MCTP1: variants seen among roughly 807,000 people sequenced by gnomAD.
MCTP1 encodes multiple C2 and transmembrane domain-containing protein 1.
MCTP1 carries 69 observed loss-of-function variants against 120.6 expected under a neutral mutation model. The ratio of observed to expected loss-of-function variants is 0.57; its 90% confidence interval spans 0.47 to 0.70. MCTP1 has a LOEUF of 0.70. Among genes scored for constraint, MCTP1 ranks in the 30% least tolerant of loss-of-function variants. The pLI is 0.00. For synonymous variants in MCTP1, 529 were observed against 493.1 expected (o/e 1.07, Z -0.96); for missense variants, 1,203 against 1,248.8 (o/e 0.96, Z 0.55).
chr5:95,082,299 A>G (rs1218934664), intron 1 of MCTP1, among the ~76,000 whole-genome samples: 2 of 152,204 alleles, frequency 1.3e-5, no homozygotes, highest in South Asian at 2.1e-4. Flanking sequence ...CAACTCCTCT[A>G]GTAAATGTGG....
rs529635290 is a variant in MCTP1 at position 95,215,318 on chromosome 5, T to A, written c.720+68538A>T. Among the ~76,000 whole-genome samples, 4 of 152,344 alleles carry A rather than the reference T, an allele frequency of 2.6e-5. No individual in the cohort carries two copies. In the South Asian group the frequency reaches 8.3e-4, roughly 32 times the overall value. The stretch of plus-strand genomic sequence containing the variant: ...ATAAATGGAAATACAGAAATATGAA[T>A]AGATTTGAAAATTATTTAAGAGGTA... On this transcript the variant is annotated intron_variant, in intron 1 of 22. Transcript: ENST00000515393.
intron 1 of MCTP1, among the ~76,000 whole-genome samples, chr5:95,046,960 T>C (rs1476176130): frequency 6.6e-6 from 1 of 152,190 alleles, no homozygotes; most frequent in Non-Finnish European, 1.5e-5. Flanking sequence ...TCAAACAGCA[T>C]TCCTATTGGA....
At chr5:94,995,568 GA>G (rs1409910486) in intron 2 of MCTP1, among the ~76,000 whole-genome samples, 1 of 152,140 alleles carries the variant, frequency 6.6e-6, no homozygotes, top group East Asian at 1.9e-4. Context: ...ATTCTAAAAA[GA>G]CAGAACAAAC....
intron 1 of MCTP1, among the ~76,000 whole-genome samples, chr5:95,204,709 C>A (rs1266451837): frequency 1.3e-5 from 2 of 151,990 alleles, no homozygotes; most frequent in Non-Finnish European, 2.9e-5. Flanking sequence ...AAATTAATTT[C>A]TATTTGTAAC....
chr5:95,040,492 T>C (rs1478482411), intron 1 of MCTP1, among the ~76,000 whole-genome samples: 1 of 151,250 alleles, frequency 6.6e-6, no homozygotes, highest in Non-Finnish European at 1.5e-5. Context: ...TTGGGCTAAG[T>C]GCTCCCTGAG....
At chr5:95,187,876 G>C (rs989133923) in intron 1 of MCTP1, among the ~76,000 whole-genome samples, 1 of 152,004 alleles carries the variant, frequency 6.6e-6, no homozygotes, top group African/African-American at 2.4e-5. Context: ...GAGTATAATT[G>C]GATTGCTTCT....
chr5:94,812,098 A>G (rs547787058), intron 17 of MCTP1, among the ~76,000 whole-genome samples: 1 of 152,302 alleles, frequency 6.6e-6, no homozygotes, highest in African/African-American at 2.4e-5. Context: ...AGTTTTTAAA[A>G]TCAATGATTT....
intron 1 of MCTP1, among the ~76,000 whole-genome samples, chr5:95,197,860 G>A (rs556708570): frequency 6.6e-6 from 1 of 152,216 alleles, no homozygotes; most frequent in East Asian, 1.9e-4. Context: ...ACAAAACAGT[G>A]TAGTATTTAC....
chr5:95,270,263 A>G (rs1562292158), intron 1 of MCTP1, among the ~76,000 whole-genome samples: 1 of 152,184 alleles, frequency 6.6e-6, no homozygotes, highest in Non-Finnish European at 1.5e-5. Context: ...AAAGGCACAG[A>G]CTCTGGTGAC....
At chr5:95,209,692 C>T (rs1752094388) in intron 1 of MCTP1, among the ~76,000 whole-genome samples, 1 of 152,186 alleles carries the variant, frequency 6.6e-6, no homozygotes, top group Non-Finnish European at 1.5e-5. Context: ...GCCACTTCAT[C>T]ACATACCTGT....
chr5:94,943,110 G>C (rs917728886), intron 3 of MCTP1, among the ~76,000 whole-genome samples: 1 of 152,032 alleles, frequency 6.6e-6, no homozygotes, highest in Non-Finnish European at 1.5e-5. Flanking sequence ...CTCTTGGATT[G>C]TACATGGAGG....
rs1007440028 is a variant in MCTP1, at chr5:95,016,772, T to A, written c.838+595A>T. On this transcript the variant is annotated intron_variant, in intron 2 of 22. Coordinates refer to ENST00000515393, the MANE Select transcript of MCTP1 (RefSeq NM_024717.7). ...TATCCTGGGTTCAAGAAATCCCTCATGTGGCCTATCCTCGTTCATCAAGAG... is the reference window on the plus strand; with the variant it reads ...TATCCTGGGTTCAAGAAATCCCTCAAGTGGCCTATCCTCGTTCATCAAGAG... Among the ~76,000 whole-genome samples, 3 of 152,108 alleles carry A rather than the reference T, an allele frequency of 2.0e-5. No individual in the cohort carries two copies. In the East Asian group the frequency reaches 5.8e-4, roughly 29 times the overall value.
chr5:95,200,998 G>A (rs1454038278), intron 1 of MCTP1, among the ~76,000 whole-genome samples: 1 of 152,350 alleles, frequency 6.6e-6, no homozygotes, highest in Non-Finnish European at 1.5e-5. Context: ...TAATGTAAAT[G>A]TAAGCATGTA....
At chr5:94,959,638 G>C (rs1187111444) in intron 2 of MCTP1, among the ~76,000 whole-genome samples, 2 of 152,124 alleles carry the variant, frequency 1.3e-5, no homozygotes, top group East Asian at 3.8e-4. Context: ...GACAAACAGA[G>C]AGCCAAATCA....
intron 1 of MCTP1, among the ~76,000 whole-genome samples, chr5:95,171,878 G>A (rs575145132): frequency 6.6e-6 from 1 of 152,182 alleles, no homozygotes; most frequent in Non-Finnish European, 1.5e-5. Context: ...GCTCGGAGGA[G>A]TTTAATCGTC....
chr5:94,949,168 C>A (rs1819856561), intron 3 of MCTP1, among the ~76,000 whole-genome samples: 1 of 152,094 alleles, frequency 6.6e-6, no homozygotes, highest in Admixed American at 6.6e-5. Flanking sequence ...TAAATATATT[C>A]CCCTTTATGT....
At chr5:95,174,663 T>G (rs1747756128) in intron 1 of MCTP1, among the ~76,000 whole-genome samples, 1 of 152,206 alleles carries the variant, frequency 6.6e-6, no homozygotes. Context: ...AATTCACATG[T>G]AAAATGGGGA....
At chr5:94,726,029 G>A (rs777088772) in intron 19 of MCTP1, among the ~76,000 whole-genome samples, 11 of 152,176 alleles carry the variant, frequency 7.2e-5, no homozygotes, top group Non-Finnish European at 1.0e-4. Flanking sequence ...TTTCATGCTT[G>A]TAAAACTTCT....
chr5:95,099,451 A>C (rs1756540106), intron 1 of MCTP1, among the ~76,000 whole-genome samples: 1 of 152,050 alleles, frequency 6.6e-6, no homozygotes, highest in South Asian at 2.1e-4. Context: ...CCCCATCAAA[A>C]AGTGGGCGAA....
Sources: allele counts gnomAD v4.1 joint callset (sites outside exome capture counted in the v4.1 genomes callset), GRCh38; gene constraint gnomAD v4.1.1; transcripts MANE v1.5; gene names NCBI Gene and HGNC (gene_info 2026-07-23, HGNC 2026-07-21).